Variants in CLDN10 observed in about 807,000 individuals in gnomAD.
CLDN10 encodes the protein claudin 10.
CLDN10 carries 15 observed loss-of-function variants against 22.9 expected under a neutral mutation model. The observed-to-expected ratio is 0.65, with a 90% CI of 0.44 to 1.01. The LOEUF (loss-of-function observed/expected upper bound fraction) is 1.01, where lower values mean the gene tolerates loss of function less well. Among genes scored for constraint, CLDN10 ranks in the 50% least tolerant of loss-of-function variants. CLDN10 has a pLI of 0.00. For missense variants in CLDN10, 247 were observed against 287.8 expected, an observed-to-expected ratio of 0.86 and a Z score of 1.03; for synonymous variants, 114 against 111.4, an observed-to-expected ratio of 1.02 and a Z score of -0.15.
At chr13:95,542,639 T>C (rs2043470942) in intron 1 of CLDN10, among the ~76,000 whole-genome samples, 1 of 152,018 alleles carries the variant, frequency 6.6e-6, no homozygotes, top group South Asian at 2.1e-4. Context: ...AAACCCCATC[T>C]GTACTAAAAA....
At chr13:95,556,690 C>T (rs2043643916) in intron 1 of CLDN10, among the ~76,000 whole-genome samples, 1 of 152,200 alleles carries the variant, frequency 6.6e-6, no homozygotes, top group African/African-American at 2.4e-5. Flanking sequence ...AGAGGTGAAA[C>T]TCAGAGTTCC....
At chr13:95,534,414 T>C (rs554743439) in intron 1 of CLDN10, among the ~76,000 whole-genome samples, 2 of 152,214 alleles carry the variant, frequency 1.3e-5, no homozygotes, top group Non-Finnish European at 2.9e-5. Flanking sequence ...TGGTAAGGGA[T>C]ATTGTGGGTC....
chr13:95,492,283 G>T (rs2042880514), intron 1 of CLDN10, among the ~76,000 whole-genome samples: 1 of 151,996 alleles, frequency 6.6e-6, no homozygotes, highest in African/African-American at 2.4e-5. Flanking sequence ...AGGACCATAA[G>T]GTGGGGGCGG....
At chr13:95,507,965 G>A (rs1594573666) in intron 1 of CLDN10, among the ~76,000 whole-genome samples, 4 of 151,964 alleles carry the variant, frequency 2.6e-5, no homozygotes, top group Middle Eastern at 3.2e-3. Context: ...TCGTATGCCG[G>A]TGGTCCCAGC....
chr13:95,449,062 C>T (rs74382586), intron 1 of CLDN10, among the ~76,000 whole-genome samples: 12,479 of 151,938 alleles, frequency 0.082, 757 homozygotes, highest in South Asian at 0.22. Flanking sequence ...CTCTAAATCA[C>T]CTTACTTCCT....
In CLDN10 at chr13:95,552,862, G is replaced by T. The variant is rs1405417875; in HGVS notation, c.109G>T (p.Gly37Cys). 1 of 1,613,970 alleles carries T rather than the reference G, an allele frequency of 6.2e-7. No individual in the cohort carries two copies. Among genetic ancestry groups the T allele is most frequent in the East Asian group, 2.2e-5 (1 of 44,882 alleles). Reference sequence around the variant, plus strand: ...CTACTGGAAGGTGTCTACCATCGACGGCACGGTCATCACAACCGCCACCTA... The same window carrying T: ...CTACTGGAAGGTGTCTACCATCGACTGCACGGTCATCACAACCGCCACCTA... ...TDYWKVSTID[G>C]TVITTATYWA... Residue 37 changes from glycine to cysteine, a missense_variant, in exon 1 of 5, where the codon GGC (glycine) becomes TGC (cysteine). Coordinates refer to ENST00000299339, the MANE Select transcript of CLDN10 (RefSeq NM_006984.5).
chr13:95,510,802 T>C (rs1332353434), intron 1 of CLDN10, among the ~76,000 whole-genome samples: 1 of 152,048 alleles, frequency 6.6e-6, no homozygotes, highest in Non-Finnish European at 1.5e-5. Flanking sequence ...TGCTAGGAAA[T>C]TAAGTGAAAA....
At chr13:95,475,916 C>G (rs984520556) in intron 1 of CLDN10, among the ~76,000 whole-genome samples, 1 of 152,056 alleles carries the variant, frequency 6.6e-6, no homozygotes. Flanking sequence ...CACCATGGCT[C>G]TGCTGTGATG....
At chr13:95,517,682 T>A (rs939830513) in intron 1 of CLDN10, among the ~76,000 whole-genome samples, 1 of 152,142 alleles carries the variant, frequency 6.6e-6, no homozygotes, top group Non-Finnish European at 1.5e-5. Context: ...ATGCCTCTAA[T>A]CCCAGCACTT....
chr13:95,539,038 C>T (rs2043432167), intron 1 of CLDN10, among the ~76,000 whole-genome samples: 3 of 152,230 alleles, frequency 2.0e-5, no homozygotes, highest in African/African-American at 7.2e-5. Flanking sequence ...CGCCATCATA[C>T]CTGGCTAATT....
chr13:95,542,123 T>G (rs2043466024), intron 1 of CLDN10, among the ~76,000 whole-genome samples: 1 of 152,182 alleles, frequency 6.6e-6, no homozygotes, highest in South Asian at 2.1e-4. Context: ...GTGCTACACA[T>G]TTTTAAATGA....
At chr13:95,564,221 T>G (rs1220361080) in intron 3 of CLDN10, among the ~76,000 whole-genome samples, 1 of 152,210 alleles carries the variant, frequency 6.6e-6, no homozygotes, top group Non-Finnish European at 1.5e-5. Flanking sequence ...CTTCTTTCCC[T>G]AGCACAGTAC....
chr13:95,517,380 T>C (rs1258873506), intron 1 of CLDN10, among the ~76,000 whole-genome samples: 2 of 152,216 alleles, frequency 1.3e-5, no homozygotes, highest in East Asian at 3.9e-4. Flanking sequence ...AACCTAGGGA[T>C]CCGGTGGTGG....
intron 1 of CLDN10, among the ~76,000 whole-genome samples, chr13:95,504,628 C>T (rs1329324371): frequency 6.6e-6 from 1 of 152,182 alleles, no homozygotes; most frequent in Non-Finnish European, 1.5e-5. Flanking sequence ...GATCTGCCTG[C>T]CTCAGCCTCC....
intron 1 of CLDN10, among the ~76,000 whole-genome samples, chr13:95,473,199 G>C (rs576806643): frequency 6.6e-6 from 1 of 150,762 alleles, no homozygotes; most frequent in South Asian, 2.1e-4. Context: ...TTTGGGCATT[G>C]GGTTCCTCCC....
At chr13:95,529,796 T>C (rs2043321779) in intron 1 of CLDN10, among the ~76,000 whole-genome samples, 1 of 151,702 alleles carries the variant, frequency 6.6e-6, no homozygotes, top group Admixed American at 6.6e-5. Flanking sequence ...TCCCAAATAA[T>C]TTAGGGTTTA....
rs770729064 is a variant in CLDN10 at position 95,560,289 on chromosome 13, G to C, written c.378G>C (p.Leu126=). ...IACLAGIVFI[L]SGLCSMTGCS... The stretch of plus-strand genomic sequence containing the variant: ...GTTTGGCTGGGATTGTATTCATACT[G>C]TCAGGTAAATAGTAACTTTCTTCCA... The change falls in exon 2 of 5, where the codon CTG becomes CTC. Residue 126 remains leucine (L), a synonymous_variant. Transcript: ENST00000299339. 6.2e-7 allele frequency: 1 copy of C among 1,614,136 alleles called. No homozygotes were observed. Among genetic ancestry groups the C allele is most frequent in the Admixed American group, 1.7e-5 (1 of 60,034 alleles).
chr13:95,450,260 T>C (rs1386019111), intron 1 of CLDN10, among the ~76,000 whole-genome samples: 1 of 152,236 alleles, frequency 6.6e-6, no homozygotes, highest in African/African-American at 2.4e-5. Flanking sequence ...TAGCTTTTGT[T>C]GTTTGCTCCA....
upstream of CLDN10, among the ~76,000 whole-genome samples, chr13:95,550,703 A>G (rs554275523): frequency 6.6e-6 from 1 of 152,232 alleles, no homozygotes; most frequent in East Asian, 1.9e-4. Context: ...AAAACAGATG[A>G]TAAAACACTT....
Sources: gnomAD v4.1 joint callset for allele counts (sites outside exome capture counted in the v4.1 genomes callset) on GRCh38, gnomAD v4.1.1 for gene constraint, MANE v1.5 for transcripts, NCBI Gene and HGNC (gene_info 2026-07-23, HGNC 2026-07-21) for gene names.